FAM110B: variants seen among roughly 807,000 people sequenced by gnomAD.
FAM110B encodes protein FAM110B.
FAM110B carries 6 observed loss-of-function variants against 20.4 expected under a neutral mutation model. The ratio of observed to expected loss-of-function variants is 0.29; its 90% CI spans 0.16 to 0.58. The LOEUF is 0.58. FAM110B is among the 20% of genes least tolerant of loss of function. The pLI is 0.90. For synonymous variants in FAM110B, 226 were observed against 214.1 expected (o/e 1.06, Z -0.49); for missense variants, 434 against 498.2 (o/e 0.87, Z 1.23).
intron 3 of FAM110B, among the ~76,000 whole-genome samples, chr8:58,076,273 C>T (rs1331078927): frequency 6.6e-6 from 1 of 152,186 alleles, no homozygotes; most frequent in Non-Finnish European, 1.5e-5. Flanking sequence ...AGTTTACTCT[C>T]TGTGCTCGGG....
In FAM110B at chr8:58,146,465, G is replaced by A. The variant is rs1224523327; in HGVS notation, c.235G>A (p.Val79Met). Residue 79 changes from valine (V) to methionine (M), a missense_variant, in exon 4 of 4, where the codon GTG becomes ATG. Physicochemically the swap from Val to Met is conservative, Grantham distance 21. Around this residue, in one of 3 missense-constraint regions of FAM110B, gnomAD observed 284 missense variants for 278.3 expected, o/e 1.02. Coordinates refer to ENST00000519262, the MANE Select transcript of FAM110B (RefSeq NM_001377989.1). ...CAAGCAGGAGCCCGTGAAGCCCGCCGTGCTGGCCAAGCCCCCGGTGTGCCC... is the reference window on the plus strand; with the variant it reads ...CAAGCAGGAGCCCGTGAAGCCCGCCATGCTGGCCAAGCCCCCGGTGTGCCC... The part of the protein sequence containing the change: ...NAKQEPVKPA[V>M]LAKPPVCPAA... 2.2e-5 allele frequency: 35 copies of A among 1,613,362 alleles called. No homozygotes were observed. The highest frequency in any genetic ancestry group is 2.7e-5 in the African/African-American group (2 of 74,904).
At chr8:58,118,536 A>T (rs893899727) in intron 3 of FAM110B, among the ~76,000 whole-genome samples, 43 of 152,176 alleles carry the variant, frequency 2.8e-4, no homozygotes, top group African/African-American at 1.0e-3. Context: ...TTAATTGCAG[A>T]TGCTTACTTC....
intron 3 of FAM110B, chr8:58,113,289 C>A: frequency 5.1e-6 from 1 of 194,302 alleles, no homozygotes; most frequent in East Asian, 1.2e-4. Flanking sequence ...TCTTTGGTCT[C>A]TGTTCACTTT....
intron 3 of FAM110B, among the ~76,000 whole-genome samples, chr8:58,086,514 A>G (rs1193702098): frequency 6.6e-6 from 1 of 152,164 alleles, no homozygotes; most frequent in Non-Finnish European, 1.5e-5. Flanking sequence ...TGTTTTTCAG[A>G]CGACTGAAAC....
chr8:58,126,798 G>A (rs1205170995), intron 3 of FAM110B, among the ~76,000 whole-genome samples: 2 of 151,974 alleles, frequency 1.3e-5, no homozygotes, highest in Admixed American at 6.6e-5. Context: ...TTCTAGATAT[G>A]AGCCCTTTGT....
intron 2 of FAM110B, among the ~76,000 whole-genome samples, chr8:58,075,269 T>TGTGTGTG (rs1554521049): frequency 1.6e-5 from 2 of 122,418 alleles, no homozygotes; most frequent in African/African-American, 8.5e-5. Flanking sequence ...TTGCTTTTTT[T>TGTGTGTG]TTTTTTTGTG....
intron 1 of FAM110B, 120 bp downstream of exon 1, chr8:57,994,926 G>T (rs1356721894): frequency 6.6e-6 from 1 of 152,172 alleles, no homozygotes; most frequent in East Asian, 1.9e-4. Flanking sequence ...GCCAGGCGGC[G>T]CGGAGCTAAG....
chr8:58,090,220 C>T (rs946904744), intron 3 of FAM110B, among the ~76,000 whole-genome samples: 1 of 152,168 alleles, frequency 6.6e-6, no homozygotes, highest in Admixed American at 6.5e-5. Flanking sequence ...AGTGTGGTGG[C>T]GTGATCTCAG....
intron 2 of FAM110B, among the ~76,000 whole-genome samples, chr8:58,069,196 A>G (rs960629365): frequency 6.6e-6 from 1 of 152,128 alleles, no homozygotes; most frequent in African/African-American, 2.4e-5. Flanking sequence ...ATGTTGAGGT[A>G]CTCTCTTGAG....
chr8:58,120,329 C>T (rs1356207067), intron 3 of FAM110B, among the ~76,000 whole-genome samples: 1 of 152,144 alleles, frequency 6.6e-6, no homozygotes, highest in Non-Finnish European at 1.5e-5. Flanking sequence ...TTTTCATCTT[C>T]CTGATCTAGC....
At chr8:58,140,435 G>A (rs1445084113) in intron 3 of FAM110B, among the ~76,000 whole-genome samples, 1 of 152,154 alleles carries the variant, frequency 6.6e-6, no homozygotes, top group Non-Finnish European at 1.5e-5. Context: ...AGAAGATAAA[G>A]TGAACTGCCC....
At chr8:58,082,376 A>G (rs2150597922) in intron 3 of FAM110B, among the ~76,000 whole-genome samples, 1 of 152,218 alleles carries the variant, frequency 6.6e-6, no homozygotes, top group East Asian at 1.9e-4. Flanking sequence ...AGAAGGAGGA[A>G]CTCAGTCTAA....
chr8:58,055,934 G>A lies in FAM110B; in HGVS notation c.-413-19601G>A, dbSNP rs140731307. Among the ~76,000 whole-genome samples, 372 of 152,332 alleles carry A rather than the reference G, an allele frequency of 2.4e-3. 3 individuals carry two copies. Among genetic ancestry groups the A allele is most frequent in the South Asian group, 0.014 (66 of 4,824 alleles). On this transcript the variant is annotated intron_variant, in intron 2 of 3. Coordinates refer to ENST00000519262, the MANE Select transcript of FAM110B (RefSeq NM_001377989.1). ...TGGAGACAAAGGGATTCGTATTTAT[G>A]CCCTGAAGTTGCAGCTTCCAGTATT...
In FAM110B at chr8:58,147,767, G is replaced by C. The variant is rs1585926805; in HGVS notation, c.*424G>C. The C allele has an allele frequency of 5.4e-6, 1 of 183,750 alleles. No individual in the cohort carries two copies. Among genetic ancestry groups the C allele is most frequent in the East Asian group, 1.7e-4 (1 of 5,864 alleles). The allele number at this position is 183,750 out of a possible 1,614,324, so 11.4% of individuals were successfully genotyped here. ...TTTGCCTACATGTGAGACTATTCCA[G>C]TGGGACAGTAAATGGGATCTGCTAC... is the stretch of plus-strand genomic sequence containing the variant. On this transcript the variant is annotated 3_prime_UTR_variant, in exon 4 of 4. Transcript: ENST00000519262.
chr8:58,061,813 A>T (rs1563355276), intron 2 of FAM110B, among the ~76,000 whole-genome samples: 1 of 152,216 alleles, frequency 6.6e-6, no homozygotes, highest in Non-Finnish European at 1.5e-5. Context: ...CCACATCTGC[A>T]AAAGCAGCTT....
Position 58,091,587 on chromosome 8 carries a change from G to A in FAM110B, c.-325+15964G>A, listed in dbSNP as rs541068791. On this transcript the variant is annotated intron_variant, in intron 3 of 3. Coordinates refer to ENST00000519262, the MANE Select transcript of FAM110B (RefSeq NM_001377989.1). ...CTGTGGATGACCTTATCACCACCAG[G>A]CTTCCATCAGAGCCCATGCCTGATG... 30 of 152,164 alleles carry A rather than the reference G, an allele frequency of 2.0e-4. 1 individual carries two copies. The highest frequency in any genetic ancestry group is 7.2e-4 in the African/African-American group (30 of 41,508). The allele number at this position is 152,164 out of a possible 1,614,324, so 9.4% of individuals were successfully genotyped here. A position where few individuals can be genotyped will look rare whatever the true frequency, so the allele number is the denominator to read the frequency against.
chr8:58,116,789 A>C (rs1191072175), intron 3 of FAM110B, among the ~76,000 whole-genome samples: 4 of 152,214 alleles, frequency 2.6e-5, no homozygotes, highest in African/African-American at 9.7e-5. Context: ...GATTAAAAAA[A>C]AGACAAGTAA....
intron 3 of FAM110B, among the ~76,000 whole-genome samples, chr8:58,125,506 A>C (rs1035223349): frequency 8.5e-5 from 13 of 152,238 alleles, no homozygotes; most frequent in African/African-American, 3.1e-4. Context: ...TTTAAAAAAC[A>C]TTTTAATCCA....
At chr8:58,045,069 A>G (rs1167622422) in intron 2 of FAM110B, among the ~76,000 whole-genome samples, 1 of 152,232 alleles carries the variant, frequency 6.6e-6, no homozygotes, top group Admixed American at 6.5e-5. Flanking sequence ...AGTGGAATTC[A>G]TTGTAAGCTG....
Sources: allele counts gnomAD v4.1 joint callset (sites outside exome capture counted in the v4.1 genomes callset), GRCh38; gene constraint gnomAD v4.1.1; regional missense constraint gnomAD v4.1.1; transcripts MANE v1.5; gene names NCBI Gene and HGNC (gene_info 2026-07-23, HGNC 2026-07-21).